Variants in MYH2 observed in about 807,000 individuals in gnomAD.
MYH2 encodes the protein myosin heavy chain 2, also known as myosin-2.
Under a neutral mutation model 228.1 loss-of-function variants are expected in MYH2, and 139 were observed. The observed-to-expected ratio is 0.61, with a 90% CI of 0.53 to 0.70. MYH2 has a LOEUF of 0.70. Among genes scored for constraint, MYH2 ranks in the 30% least tolerant of loss-of-function variants. MYH2 has a pLI of 0.00. For synonymous variants in MYH2, 796 were observed against 871.1 expected (o/e 0.91, Z 1.52); for missense variants, 1,809 against 2,357.5 (o/e 0.77, Z 4.82).
At chr17:10,526,454 C>G in intron 30 of MYH2, 145 bp downstream of exon 30, 1 of 1,344,356 alleles carries the variant, frequency 7.4e-7, no homozygotes, top group South Asian at 1.2e-5. Context: ...TTATTCATGT[C>G]TTATTCTCAG....
Position 10,542,924 on chromosome 17 carries a change from A to G in MYH2, c.855T>C (p.Ser285=). 1 of 1,612,812 alleles carries G rather than the reference A, an allele frequency of 6.2e-7. No individual in the cohort carries two copies. The highest frequency in any genetic ancestry group is 1.1e-5 in the South Asian group (1 of 91,012). The part of the protein sequence containing the change: ...RVVFQLKAER[S]YHIFYQITSN... Reference sequence around the variant, plus strand: ...ATGTAATCTGGTAAAAAATATGATAACTTCTCTCAGCCTTAAGCTGGAAAA... The same window carrying G: ...ATGTAATCTGGTAAAAAATATGATAGCTTCTCTCAGCCTTAAGCTGGAAAA... The change falls in exon 10 of 40, where the codon AGT becomes AGC. Residue 285 remains serine, a synonymous_variant. Transcript: ENST00000245503.
At chr17:10,532,443 T>C (rs2073436118) in intron 21 of MYH2, among the ~76,000 whole-genome samples, 1 of 152,194 alleles carries the variant, frequency 6.6e-6, no homozygotes, top group African/African-American at 2.4e-5. Context: ...CTAATACCAC[T>C]TTTGTTTTCA....
intron 19 of MYH2, among the ~76,000 whole-genome samples, chr17:10,533,937 T>G (rs1294736861): frequency 6.6e-6 from 1 of 152,252 alleles, no homozygotes; most frequent in Non-Finnish European, 1.5e-5. Context: ...TTATCTTTAC[T>G]AGATGCATTT....
At position 10,545,604 on chromosome 17, in the gene MYH2, A is replaced by G. The variant is rs2073619523; in HGVS notation, c.349-102T>C. 5.4e-6 allele frequency: 8 copies of G among 1,482,926 alleles called. No homozygotes were observed. The South Asian group carries it at 8.3e-5, about 15-fold the overall frequency. The allele number at this position is 1,482,926 out of a possible 1,614,324, so 91.9% of individuals were successfully genotyped here. The stretch of plus-strand genomic sequence containing the variant: ...TTTTGAGACAGGGTCTTGCTCTGTC[A>G]CCCAGGCTGGAGTGCAGTGGTGCTA... On this transcript the variant is annotated intron_variant, in intron 4 of 39. Coordinates refer to ENST00000245503, the MANE Select transcript of MYH2 (RefSeq NM_017534.6).
At position 10,543,941 on chromosome 17, in the gene MYH2, A is replaced by C. The variant is rs547575703; in HGVS notation, c.609T>G (p.Gly203=). The C allele has an allele frequency of 1.3e-4, 205 of 1,614,172 alleles. 1 individual carries two copies. Among genetic ancestry groups the C allele is most frequent in the South Asian group, 4.6e-4 (42 of 91,086 alleles). ...IQYFATIAVT[G]EKKKEEITSG... is the part of the protein sequence containing the mutation. ...AAGTAATTTCTTCCTTCTTCTTCTC[A>C]CCAGTAACTGCAATTGTTGCAAAGT... Residue 203 remains glycine (G), a synonymous_variant, in exon 7 of 40, where the codon GGT becomes GGG. Coordinates refer to ENST00000245503, the MANE Select transcript of MYH2 (RefSeq NM_017534.6).
intron 5 of MYH2, 51 bp downstream of exon 5, chr17:10,545,295 A>G (rs747863591): frequency 2.2e-5 from 36 of 1,611,736 alleles, no homozygotes; most frequent in Non-Finnish European, 2.6e-5. Flanking sequence ...TCTTTCTCCT[A>G]TGGTTCTGCT....
intron 5 of MYH2, among the ~76,000 whole-genome samples, 189 bp from the exon 6 acceptor site, chr17:10,544,316 CACT>C (rs1350919718): frequency 6.6e-6 from 1 of 152,138 alleles, no homozygotes; most frequent in Non-Finnish European, 1.5e-5. Flanking sequence ...AACAGAACAC[CACT>C]ACTTTTATTG....
Position 10,541,504 on chromosome 17 carries a change from C to T in MYH2, c.905-807G>A, listed in dbSNP as rs140344665. Among the ~76,000 whole-genome samples, 99 of 152,302 alleles carry T rather than the reference C, an allele frequency of 6.5e-4. 1 individual carries two copies. The highest frequency in any genetic ancestry group is 3.4e-4 in the Non-Finnish European group (23 of 68,032). The stretch of plus-strand genomic sequence containing the variant: ...ACCCTGCCTCCTGATAAGATGTTAT[C>T]AATGACAATGGGTGCCCAAAACTTT... On this transcript the variant is annotated intron_variant, in intron 10 of 39. Transcript: ENST00000245503.
chr17:10,545,461 C>CTGTGTAGGGG lies in MYH2; in HGVS notation c.389_390insCCCCTACACA (p.Lys130AsnfsTer10). ...CCTCGGGCTTATACACAGGCAGCCA[C>CTGTGTAGGGG]TTGTAGGGGTTGACAGTGACACAGA... On this transcript the variant is annotated frameshift_variant, in exon 5 of 40. Coordinates refer to ENST00000245503, the MANE Select transcript of MYH2 (RefSeq NM_017534.6). LOFTEE classifies it high-confidence loss of function. 6.2e-7 allele frequency: 1 copy of CTGTGTAGGGG among 1,614,170 alleles called. No individual in the cohort carries two copies. The highest frequency in any genetic ancestry group is 8.5e-7 in the Non-Finnish European group (1 of 1,180,028).
intron 22 of MYH2, among the ~76,000 whole-genome samples, chr17:10,531,390 G>T (rs915873092): frequency 6.6e-6 from 1 of 152,148 alleles, no homozygotes; most frequent in African/African-American, 2.4e-5. Flanking sequence ...AAATCTTGTG[G>T]TTTGATGAAA....
chr17:10,527,116 T>C (rs2073365868), intron 28 of MYH2, 60 bp from the exon 29 acceptor site: 2 of 1,488,082 alleles, frequency 1.3e-6, no homozygotes, highest in Non-Finnish European at 1.9e-6. Flanking sequence ...TGCAAGCCCA[T>C]GTTAGAAAGA....
intron 21 of MYH2, 119 bp from the exon 22 acceptor site, chr17:10,532,007 T>C: frequency 8.5e-7 from 1 of 1,170,168 alleles, no homozygotes; most frequent in Non-Finnish European, 1.2e-6. Context: ...AACATGCAGA[T>C]GAAAAAATTC....
At position 10,521,320 on chromosome 17, in the gene MYH2, T is replaced by C. The variant is rs1197611302; in HGVS notation, c.5786A>G (p.Lys1929Arg). 1 of 1,614,152 alleles carries C rather than the reference T, an allele frequency of 6.2e-7. No homozygotes were observed. The highest frequency in any genetic ancestry group is 8.5e-7 in the Non-Finnish European group (1 of 1,180,032). Reference sequence around the variant, plus strand: ...GACTTTTGTGTGAACCTCCCGGCTCTTCACCCGCAGTTTGTTCACCTGGGA... The same window carrying C: ...GACTTTTGTGTGAACCTCCCGGCTCCTCACCCGCAGTTTGTTCACCTGGGA... ...AESQVNKLRV[K>R]SREVHTKVIS... The change falls in exon 40 of 40, where the codon AAG becomes AGG. Residue 1929 changes from lysine to arginine, a missense_variant. Around this residue, in one of 9 missense-constraint regions of MYH2, gnomAD observed 278 missense variants for 308.5 expected, o/e 0.90. Coordinates refer to ENST00000245503, the MANE Select transcript of MYH2 (RefSeq NM_017534.6).
At chr17:10,545,269 G>A in intron 5 of MYH2, 77 bp downstream of exon 5, 2 of 1,610,056 alleles carry the variant, frequency 1.2e-6, no homozygotes, top group Non-Finnish European at 1.7e-6. Flanking sequence ...GGAATGTGTT[G>A]AGATTGCCTC....
chr17:10,541,229 C>T (rs1014767452), intron 10 of MYH2, among the ~76,000 whole-genome samples: 14 of 152,166 alleles, frequency 9.2e-5, no homozygotes, highest in African/African-American at 3.1e-4. Context: ...TGGAACACAG[C>T]CATATTTCTC....
In MYH2 at chr17:10,547,388, C is replaced by A. The variant is rs2073648366; in HGVS notation, c.348+87G>T. ...GCAATGAAAGTGAAATGGGTCACTACCTGTGACCTATTTATGCTCAGTGGA... is the reference window on the plus strand; with the variant it reads ...GCAATGAAAGTGAAATGGGTCACTAACTGTGACCTATTTATGCTCAGTGGA... On this transcript the variant is annotated intron_variant, in intron 4 of 39. Coordinates refer to ENST00000245503, the MANE Select transcript of MYH2 (RefSeq NM_017534.6). 4.0e-6 allele frequency: 6 copies of A among 1,511,142 alleles called. No individual in the cohort carries two copies. The South Asian group carries it at 6.8e-5, about 17-fold the overall frequency. The allele number at this position is 1,511,142 out of a possible 1,614,324, so 93.6% of individuals were successfully genotyped here.
intron 8 of MYH2, 67 bp from the exon 9 acceptor site, chr17:10,543,228 C>T: frequency 8.4e-7 from 1 of 1,187,382 alleles, no homozygotes; most frequent in Non-Finnish European, 1.2e-6. Context: ...AAATTCCAAA[C>T]ATTTGATGCT....
At chr17:10,535,445 T>G in intron 17 of MYH2, 80 bp from the exon 18 acceptor site, 1 of 1,217,588 alleles carries the variant, frequency 8.2e-7, no homozygotes, top group Non-Finnish European at 1.2e-6. Flanking sequence ...AAAATCAATA[T>G]CTATAGCTGA....
chr17:10,531,365 G>C (rs1328325514), intron 22 of MYH2, among the ~76,000 whole-genome samples: 4 of 152,150 alleles, frequency 2.6e-5, no homozygotes, highest in Non-Finnish European at 5.9e-5. Context: ...TGTATTTAAA[G>C]AGAAAATAAG....
Sources: gnomAD v4.1 joint callset for allele counts (sites outside exome capture counted in the v4.1 genomes callset) on GRCh38, gnomAD v4.1.1 for gene constraint, gnomAD v4.1.1 regional missense constraint, MANE v1.5 for transcripts, NCBI Gene and HGNC (gene_info 2026-07-23, HGNC 2026-07-21) for gene names.